The following AFF3 variants were observed in gnomAD, a reference collection of about 807,000 sequenced individuals.
The protein encoded by AFF3 is AF4/FMR2 family member 3.
A neutral mutation model predicts 129.7 loss-of-function variants in AFF3; 32 were observed. The ratio of observed to expected loss-of-function variants is 0.25; its 90% CI spans 0.19 to 0.33. The LOEUF (loss-of-function observed/expected upper bound fraction) is 0.33. Among genes scored for constraint, AFF3 ranks in the 10% least tolerant of loss-of-function variants. The probability of loss-of-function intolerance (pLI) is 1.00; values close to 1 mark genes in which losing one functional copy is unlikely to be tolerated. For synonymous variants in AFF3, 644 were observed against 635.4 expected, an observed-to-expected ratio of 1.01 and a Z score of -0.20; for missense variants, 1,373 against 1,592.0, an observed-to-expected ratio of 0.86 and a Z score of 2.34.
intron 7 of AFF3, among the ~76,000 whole-genome samples, chr2:99,948,255 T>TC (rs971856557): frequency 2.0e-5 from 3 of 152,064 alleles, no homozygotes; most frequent in African/African-American, 7.2e-5. Context: ...CCACCTTTTT[T>TC]CCCAAGATGG....
intron 13 of AFF3, among the ~76,000 whole-genome samples, chr2:99,641,300 C>T (rs899204966): frequency 6.6e-6 from 1 of 152,230 alleles, no homozygotes; most frequent in African/African-American, 2.4e-5. Context: ...GCTGCACAGA[C>T]CACTCTGTGG....
intron 1 of AFF3, among the ~76,000 whole-genome samples, chr2:100,141,064 A>G (rs1403197197): frequency 6.6e-6 from 1 of 152,326 alleles, no homozygotes; most frequent in Middle Eastern, 3.4e-3. Flanking sequence ...TTGTCTAAGC[A>G]CTTTACATGT....
At chr2:99,606,908 CGTCTCACAAAAAAAAAAAAAA>C (rs1680410695) in intron 13 of AFF3, among the ~76,000 whole-genome samples, 2 of 107,666 alleles carry the variant, frequency 1.9e-5, no homozygotes, top group Admixed American at 1.2e-4. Flanking sequence ...AGCAAGACTC[CGTCTCACAAAAAAAAAAAAAA>C]AAAAAAAAAA....
At chr2:99,632,253 G>A (rs1443971892) in intron 13 of AFF3, among the ~76,000 whole-genome samples, 1 of 152,026 alleles carries the variant, frequency 6.6e-6, no homozygotes, top group African/African-American at 2.4e-5. Flanking sequence ...GGCCTCAGGT[G>A]ATCTGCCCGC....
At chr2:100,110,739 C>T (rs1188257449) in intron 2 of AFF3, among the ~76,000 whole-genome samples, 1 of 152,174 alleles carries the variant, frequency 6.6e-6, no homozygotes, top group Non-Finnish European at 1.5e-5. Context: ...TTAAGATAAA[C>T]AAGTTCATGC....
At chr2:100,016,285 GTGA>G (rs546243380) in intron 4 of AFF3, among the ~76,000 whole-genome samples, 1,648 of 150,746 alleles carry the variant, frequency 0.011, 24 homozygotes, top group African/African-American at 0.03. Flanking sequence ...GGTAGTGGGG[GTGA>G]TGATGGTGGT....
chr2:100,015,900 C>A lies in AFF3; in HGVS notation c.54-6968G>T, dbSNP rs115289591. Reference sequence around the variant, plus strand: ...GTGATAGTGGCAGCAGAAGTACTGGCAGTAGTGTTGGTGGTAGTGATGGTG... The same window carrying A: ...GTGATAGTGGCAGCAGAAGTACTGGAAGTAGTGTTGGTGGTAGTGATGGTG... On this transcript the variant is annotated intron_variant, in intron 4 of 24. Coordinates refer to ENST00000672756, the MANE Select transcript of AFF3 (RefSeq NM_001386135.1). 6.7e-3 allele frequency among the ~76,000 whole-genome samples: 1,011 copies of A among 150,544 alleles called. 10 individuals are homozygous for A. The highest frequency in any genetic ancestry group is 0.024 in the African/African-American group (974 of 40,960).
At position 99,778,870 on chromosome 2, in the gene AFF3, TTGTG is replaced by T. The variant is rs60512639; in HGVS notation, c.922-26573_922-26570del. On this transcript the variant is annotated intron_variant, in intron 8 of 24. Transcript: ENST00000672756. ...CCAAACTTGTTTATTACCTATAATT[TTGTG>T]TGTGTGTGTGTGTGTGTGTGCGCGT... Among the ~76,000 whole-genome samples the T allele has an allele frequency of 5.9e-3, 817 of 138,474 alleles. 7 individuals carry two copies. The highest frequency in any genetic ancestry group is 0.018 in the African/African-American group (685 of 37,770). 90.8% of individuals were successfully genotyped at this position (138,474 alleles called of 152,430 possible). A position where few individuals can be genotyped will look rare whatever the true frequency, so the allele number is the denominator to read the frequency against.
At chr2:99,805,359 T>C (rs948494414) in intron 8 of AFF3, among the ~76,000 whole-genome samples, 1 of 152,208 alleles carries the variant, frequency 6.6e-6, no homozygotes. Flanking sequence ...GTGTGTTACA[T>C]TGGTGGTATT....
intron 7 of AFF3, among the ~76,000 whole-genome samples, chr2:99,858,916 A>C (rs902564431): frequency 4.6e-5 from 7 of 152,242 alleles, no homozygotes; most frequent in Non-Finnish European, 2.9e-5. Context: ...ATAAAAAAGA[A>C]AACAAATGTT....
chr2:99,588,717 A>T (rs1678367995), intron 15 of AFF3, among the ~76,000 whole-genome samples: 1 of 152,098 alleles, frequency 6.6e-6, no homozygotes, highest in African/African-American at 2.4e-5. Context: ...ACCCCCATGG[A>T]GGGCCCAAAC....
At chr2:100,028,172 CAGT>C in intron 4 of AFF3, among the ~76,000 whole-genome samples, 1 of 152,224 alleles carries the variant, frequency 6.6e-6, no homozygotes. Flanking sequence ...TATTAGGTGA[CAGT>C]GGTGTCTCCC....
chr2:99,817,391 C>T (rs7560879), intron 8 of AFF3, among the ~76,000 whole-genome samples: 153 of 152,316 alleles, frequency 1.0e-3, no homozygotes, highest in African/African-American at 3.4e-3. Context: ...CTTCCTGACA[C>T]GTCTATCTCT....
At position 99,546,719 on chromosome 2, in the gene AFF3, T is replaced by C; in HGVS notation, c.*4755A>G. 1 of 225,750 alleles carries C rather than the reference T, an allele frequency of 4.4e-6. No individual in the cohort carries two copies. The highest frequency in any genetic ancestry group is 8.8e-6 in the Non-Finnish European group (1 of 113,358). The allele number at this position is 225,750 out of a possible 1,614,324, so 14.0% of individuals were successfully genotyped here. A position where few individuals can be genotyped will look rare whatever the true frequency, so the allele number is the denominator to read the frequency against. ...CTCCGTCTTCTTTAGTTCAAAATTA[T>C]CTTATTTTACTCAACCAAATATTGC... On this transcript the variant is annotated 3_prime_UTR_variant, in exon 25 of 25. Coordinates refer to ENST00000672756, the MANE Select transcript of AFF3 (RefSeq NM_001386135.1).
intron 8 of AFF3, among the ~76,000 whole-genome samples, chr2:99,758,351 G>A (rs1682289014): frequency 6.6e-6 from 1 of 152,204 alleles, no homozygotes; most frequent in Non-Finnish European, 1.5e-5. Context: ...GGAGGCCAAG[G>A]CGGGAGGGAG....
At chr2:99,771,133 T>C (rs1325205968) in intron 8 of AFF3, among the ~76,000 whole-genome samples, 2 of 152,186 alleles carry the variant, frequency 1.3e-5, no homozygotes, top group Non-Finnish European at 2.9e-5. Flanking sequence ...CTGGAAGCTG[T>C]TCTCCTCAGC....
intron 13 of AFF3, among the ~76,000 whole-genome samples, chr2:99,622,835 C>G (rs1210477257): frequency 2.0e-5 from 3 of 152,212 alleles, no homozygotes; most frequent in African/African-American, 7.2e-5. Context: ...CAGGCCCTGG[C>G]TGGGCATGGG....
At chr2:99,810,784 C>T (rs1483352695) in intron 8 of AFF3, among the ~76,000 whole-genome samples, 1 of 152,124 alleles carries the variant, frequency 6.6e-6, no homozygotes, top group Non-Finnish European at 1.5e-5. Context: ...CTAGCAAGAC[C>T]ACGTTCTGTT....
intron 7 of AFF3, among the ~76,000 whole-genome samples, chr2:99,926,812 G>A (rs1696279672): frequency 6.6e-6 from 1 of 152,042 alleles, no homozygotes; most frequent in Non-Finnish European, 1.5e-5. Context: ...CTTTCTGGAA[G>A]CCTGATTTCT....
Sources: gnomAD v4.1 joint callset for allele counts (sites outside exome capture counted in the v4.1 genomes callset) on GRCh38, gnomAD v4.1.1 for gene constraint, MANE v1.5 for transcripts, NCBI Gene and HGNC (gene_info 2026-07-23, HGNC 2026-07-21) for gene names.